Variants in PTPRR observed in about 807,000 individuals in gnomAD.
PTPRR encodes receptor-type tyrosine-protein phosphatase R.
PTPRR carries 38 observed loss-of-function variants against 77.2 expected under a neutral mutation model. The ratio of observed to expected loss-of-function variants is 0.49; its 90% CI spans 0.38 to 0.65. The LOEUF is 0.65. Among genes scored for constraint, PTPRR ranks in the 30% least tolerant of loss-of-function variants. The pLI, the probability that PTPRR is intolerant of heterozygous loss-of-function variation, is 0.00. For synonymous variants in PTPRR, 299 were observed against 283.1 expected (o/e 1.06, Z -0.57); for missense variants, 744 against 799.2 (o/e 0.93, Z 0.83).
rs573484176 is a variant in PTPRR, at chr12:70,680,876, T to C, written c.1497+3251A>G. ...CCAACTGTTGAGTGCACCAGGGACA[T>C]GCAGGGGCTGGTCCACTGGTTTGGG... is the stretch of plus-strand genomic sequence containing the variant. On this transcript the variant is annotated intron_variant, in intron 10 of 13. Coordinates refer to ENST00000283228, the MANE Select transcript of PTPRR (RefSeq NM_002849.4). 7.9e-3 allele frequency among the ~76,000 whole-genome samples: 1,209 copies of C among 152,188 alleles called. 7 individuals are homozygous for C. The highest frequency in any genetic ancestry group is 0.012 in the Non-Finnish European group (827 of 68,010).
At chr12:70,748,751 T>C (rs1208838012) in intron 5 of PTPRR, among the ~76,000 whole-genome samples, 1 of 152,174 alleles carries the variant, frequency 6.6e-6, no homozygotes, top group East Asian at 1.9e-4. Context: ...TGTGTTCAGA[T>C]TTCAAAACGA....
rs1476775502 is a variant in PTPRR at position 70,711,381 on chromosome 12, AG to A, written c.1008-10059del. 3.3e-5 allele frequency among the ~76,000 whole-genome samples: 5 copies of A among 152,056 alleles called. No homozygotes were observed. In the South Asian group the frequency reaches 8.3e-4, roughly 25 times the overall value. On this transcript the variant is annotated intron_variant, in intron 6 of 13. Transcript: ENST00000283228. Reference sequence around the variant, plus strand: ...TGTAGAGGGGAAAAACACACACTGGAGCCTATTGGAGGGTAGAGAGTGGGAG... The same window carrying A: ...TGTAGAGGGGAAAAACACACACTGGACCTATTGGAGGGTAGAGAGTGGGAG...
chr12:70,660,422 C>T (rs1426235161), intron 12 of PTPRR, among the ~76,000 whole-genome samples: 1 of 152,072 alleles, frequency 6.6e-6, no homozygotes, highest in Non-Finnish European at 1.5e-5. Flanking sequence ...TGGTGACTTG[C>T]TCACTTCTCA....
At chr12:70,909,129 G>C (rs1893664982) in intron 1 of PTPRR, among the ~76,000 whole-genome samples, 1 of 152,154 alleles carries the variant, frequency 6.6e-6, no homozygotes, top group Admixed American at 6.5e-5. Context: ...GATGCTGCAG[G>C]GTGAGGTATT....
intron 2 of PTPRR, among the ~76,000 whole-genome samples, chr12:70,796,069 G>T: frequency 6.6e-6 from 1 of 151,692 alleles, no homozygotes; most frequent in East Asian, 1.9e-4. Flanking sequence ...GACTACAGGT[G>T]CTTGCCATGA....
intron 2 of PTPRR, among the ~76,000 whole-genome samples, chr12:70,863,832 C>A (rs776673755): frequency 1.2e-4 from 19 of 152,146 alleles, no homozygotes; most frequent in Non-Finnish European, 2.2e-4. Flanking sequence ...CAGAACAACT[C>A]TCTGGGAGTT....
chr12:70,742,908 G>A (rs1890097565), intron 6 of PTPRR, among the ~76,000 whole-genome samples: 1 of 152,148 alleles, frequency 6.6e-6, no homozygotes, highest in Admixed American at 6.5e-5. Context: ...GAAGAGAAAG[G>A]ATTTGATGAG....
Position 70,677,693 on chromosome 12 carries a change from C to T in PTPRR, c.1497+6434G>A, listed in dbSNP as rs115313317. Among the ~76,000 whole-genome samples the T allele has an allele frequency of 4.3e-3, 655 of 152,234 alleles. 3 individuals are homozygous for T. Among genetic ancestry groups the T allele is most frequent in the African/African-American group, 0.015 (629 of 41,550 alleles). ...TGGATTTTATCCTTCATTCTGTTAACGTGATGTATCATATTTATTAGTTTG... is the reference window on the plus strand; with the variant it reads ...TGGATTTTATCCTTCATTCTGTTAATGTGATGTATCATATTTATTAGTTTG... On this transcript the variant is annotated intron_variant, in intron 10 of 13. Transcript: ENST00000283228.
intron 1 of PTPRR, among the ~76,000 whole-genome samples, chr12:70,907,466 C>T (rs1432515806): frequency 6.6e-6 from 1 of 152,150 alleles, no homozygotes; most frequent in Admixed American, 6.6e-5. Flanking sequence ...ACAGTGTAAA[C>T]CTCTATTTGG....
chr12:70,869,735 T>C (rs1892929316), intron 2 of PTPRR, among the ~76,000 whole-genome samples: 1 of 152,060 alleles, frequency 6.6e-6, no homozygotes, highest in Non-Finnish European at 1.5e-5. Context: ...AAGGGGACCA[T>C]TAGCCAAGGA....
chr12:70,684,445 T>C (rs1249193569), intron 9 of PTPRR, among the ~76,000 whole-genome samples, 181 bp from the exon 10 acceptor site: 2 of 152,190 alleles, frequency 1.3e-5, no homozygotes, highest in Non-Finnish European at 2.9e-5. Flanking sequence ...GGATAGCACA[T>C]GGTACTGAGG....
Position 70,919,673 on chromosome 12 carries a change from G to GTTTTTTT in PTPRR, c.58+653_58+659dup, listed in dbSNP as rs58439089. 5.4e-4 allele frequency among the ~76,000 whole-genome samples: 59 copies of GTTTTTTT among 110,070 alleles called. 2 individuals carry two copies. Among genetic ancestry groups the GTTTTTTT allele is most frequent in the Non-Finnish European group, 7.3e-4 (38 of 52,356 alleles). 72.2% of individuals were successfully genotyped at this position (110,070 alleles called of 152,430 possible). Reference sequence around the variant, plus strand: ...GGTTGTCAGCTTTGGAACTGTAATTGTTTTTTTTTTTTTTTTTTTTTTTTT... The same window carrying GTTTTTTT: ...GGTTGTCAGCTTTGGAACTGTAATTGTTTTTTTTTTTTTTTTTTTTTTTTTTTTTTTT... On this transcript the variant is annotated intron_variant, in intron 1 of 13. Coordinates refer to ENST00000283228, the MANE Select transcript of PTPRR (RefSeq NM_002849.4).
intron 2 of PTPRR, among the ~76,000 whole-genome samples, chr12:70,815,890 C>T (rs546748541): frequency 2.0e-5 from 3 of 152,230 alleles, no homozygotes; most frequent in Non-Finnish European, 4.4e-5. Flanking sequence ...AGTGCTATGG[C>T]CTAAACAATT....
intron 10 of PTPRR, chr12:70,672,018 C>G: frequency 7.7e-7 from 1 of 1,306,716 alleles, no homozygotes; most frequent in Non-Finnish European, 1.1e-6. Context: ...CAGTTCCAGG[C>G]ACCCCACCTG....
intron 2 of PTPRR, 82 bp downstream of exon 2, chr12:70,892,597 A>T: frequency 1.3e-6 from 2 of 1,485,962 alleles, no homozygotes; most frequent in Non-Finnish European, 1.8e-6. Context: ...AACTATTCAC[A>T]ATCAGTGTTT....
intron 2 of PTPRR, among the ~76,000 whole-genome samples, chr12:70,890,804 A>C (rs931094208): frequency 2.2e-4 from 34 of 152,128 alleles, no homozygotes; most frequent in African/African-American, 8.2e-4. Context: ...CATTAAAGTC[A>C]TTATGCTGCC....
At chr12:70,675,306 T>A (rs1328054018) in intron 10 of PTPRR, among the ~76,000 whole-genome samples, 1 of 151,996 alleles carries the variant, frequency 6.6e-6, no homozygotes, top group Non-Finnish European at 1.5e-5. Context: ...ATGATTTGGA[T>A]TTTTTTCTAT....
intron 1 of PTPRR, among the ~76,000 whole-genome samples, chr12:70,913,603 C>T (rs973750800): frequency 6.6e-6 from 1 of 152,022 alleles, no homozygotes; most frequent in African/African-American, 2.4e-5. Context: ...AATGTCTATC[C>T]ATCTAGAAAG....
chr12:70,689,589 A>G (rs1429658401), intron 8 of PTPRR, among the ~76,000 whole-genome samples: 1 of 152,134 alleles, frequency 6.6e-6, no homozygotes, highest in Non-Finnish European at 1.5e-5. Context: ...CGTCAATCCT[A>G]TTGATCAAAA....
Sources: allele counts gnomAD v4.1 joint callset (sites outside exome capture counted in the v4.1 genomes callset), GRCh38; gene constraint gnomAD v4.1.1; transcripts MANE v1.5; gene names NCBI Gene and HGNC (gene_info 2026-07-23, HGNC 2026-07-21).